CEP250: variants seen among roughly 807,000 people sequenced by gnomAD.
CEP250 encodes centrosome-associated protein CEP250.
A neutral mutation model predicts 315.7 loss-of-function variants in CEP250; 242 were observed. The observed-to-expected ratio is 0.77, with a 90% CI of 0.69 to 0.85. CEP250 has a LOEUF of 0.85. Ranked by LOEUF, CEP250 falls within the 40% of genes least tolerant of loss-of-function variation. The probability of loss-of-function intolerance (pLI) is 0.00; values close to 1 mark genes in which losing one functional copy is unlikely to be tolerated. For missense variants in CEP250, 2,515 were observed against 2,886.4 expected (o/e 0.87, Z 2.95); for synonymous variants, 1,088 against 1,175.0 (o/e 0.93, Z 1.51).
intron 25 of CEP250, among the ~76,000 whole-genome samples, chr20:35,497,518 G>A (rs2063872798): frequency 6.6e-6 from 1 of 151,896 alleles, no homozygotes; most frequent in South Asian, 2.1e-4. Context: ...GGGCCCATGT[G>A]TTCAGTAGTC....
chr20:35,509,034 C>T lies in CEP250; in HGVS notation c.6998C>T (p.Pro2333Leu), dbSNP rs758278372. 16 of 1,555,282 alleles carry T rather than the reference C, an allele frequency of 1.0e-5. No individual in the cohort carries two copies. In the Admixed American group the frequency reaches 2.9e-4, roughly 28 times the overall value. Residue 2333 changes from proline to leucine, a missense_variant, in exon 33 of 35, where the codon CCC (proline) becomes CTC (leucine). Pro to Leu is a moderately conservative substitution (Grantham distance 98). Transcript: ENST00000397527. ...ATCAGCAAGGCCACGGCTTCTTCAC[C>T]CACACAGCAGGTTTACTCATTTTCC... Reference protein sequence around the residue: ...LEISKATASSPTQQDGRGQKN... With the variant: ...LEISKATASSLTQQDGRGQKN...
intron 5 of CEP250, among the ~76,000 whole-genome samples, chr20:35,465,473 C>T (rs868397927): frequency 4.0e-5 from 6 of 150,576 alleles, no homozygotes; most frequent in Admixed American, 6.6e-5. Context: ...CAAGGTCAAA[C>T]CGTTAGTGTA....
chr20:35,497,909 T>C lies in CEP250; in HGVS notation c.3497T>C (p.Leu1166Pro), dbSNP rs1290733855. ...AGCACAGAGAGCCAGCTAGAAGCGCTGGCCGCAGAGCAGCAGCCCGGGAAC... is the reference window on the plus strand; with the variant it reads ...AGCACAGAGAGCCAGCTAGAAGCGCCGGCCGCAGAGCAGCAGCCCGGGAAC... The part of the protein sequence containing the change: ...LRSTESQLEA[L>P]AAEQQPGNQA... Residue 1166 changes from leucine (L) to proline (P), a missense_variant, in exon 26 of 35, where the codon CTG becomes CCG. Leu to Pro is a moderately conservative substitution (Grantham distance 98, BLOSUM62 -3). Coordinates refer to ENST00000397527, the MANE Select transcript of CEP250 (RefSeq NM_007186.6). 3 of 1,609,352 alleles carry C rather than the reference T, an allele frequency of 1.9e-6. No individual in the cohort carries two copies. Among genetic ancestry groups the C allele is most frequent in the African/African-American group, 1.3e-5 (1 of 75,000 alleles).
chr20:35,485,264 A>G (rs1324294048), intron 20 of CEP250, among the ~76,000 whole-genome samples: 4 of 151,744 alleles, frequency 2.6e-5, no homozygotes, highest in African/African-American at 7.3e-5. Flanking sequence ...AGTCCCAGCT[A>G]CTTGGGAGGC....
At chr20:35,477,765 T>C in intron 16 of CEP250, 106 bp from the exon 17 acceptor site, 1 of 891,908 alleles carries the variant, frequency 1.1e-6, no homozygotes, top group Non-Finnish European at 1.7e-6. Context: ...TTGTTCATCT[T>C]TGGAGAATAG....
chr20:35,497,602 A>C (rs2063876424), intron 25 of CEP250, 117 bp from the exon 26 acceptor site: 1 of 729,342 alleles, frequency 1.4e-6, no homozygotes, highest in African/African-American at 1.8e-5. Flanking sequence ...AGCTGAGCTG[A>C]AATCCTCCCA....
intron 4 of CEP250, 27 bp from the exon 5 acceptor site, chr20:35,463,548 G>A (rs762260926): frequency 1.3e-6 from 2 of 1,593,112 alleles, no homozygotes; most frequent in Non-Finnish European, 8.5e-7. Context: ...TGTGTTCATT[G>A]CCCAGGGCCT....
intron 10 of CEP250, 97 bp downstream of exon 10, chr20:35,470,083 A>G (rs781658201): frequency 2.0e-5 from 16 of 783,454 alleles, no homozygotes; most frequent in East Asian, 1.8e-4. Flanking sequence ...TACATATTCC[A>G]TGATGAAATC....
chr20:35,487,733 G>A (rs1228400354), intron 20 of CEP250, among the ~76,000 whole-genome samples: 3 of 151,694 alleles, frequency 2.0e-5, no homozygotes, highest in Non-Finnish European at 2.9e-5. Flanking sequence ...CCAGGAGTTC[G>A]AGACCAGCCT....
At chr20:35,506,772 T>A (rs1282644276) in intron 30 of CEP250, among the ~76,000 whole-genome samples, 1 of 152,174 alleles carries the variant, frequency 6.6e-6, no homozygotes, top group Non-Finnish European at 1.5e-5. Context: ...GATCTTCAAT[T>A]TCTCATCAGT....
At position 35,490,785 on chromosome 20, in the gene CEP250, CAG is replaced by C; in HGVS notation, c.2740_2741del (p.Ser914CysfsTer76). ...CAGAGGGAAGAAGAACGGACCCAGG[CAG>C]AGAGTGCCCTATGCCAGGTGGGAAG... is the stretch of plus-strand genomic sequence containing the variant. On this transcript the variant is annotated frameshift_variant, in exon 21 of 35. Coordinates refer to ENST00000397527, the MANE Select transcript of CEP250 (RefSeq NM_007186.6). LOFTEE classifies it high-confidence loss of function. 3 of 1,613,174 alleles carry C rather than the reference CAG, an allele frequency of 1.9e-6. No homozygotes were observed. Among genetic ancestry groups the C allele is most frequent in the Non-Finnish European group, 2.5e-6 (3 of 1,179,874 alleles).
intron 6 of CEP250, 71 bp downstream of exon 6, chr20:35,465,896 C>T: frequency 6.5e-7 from 1 of 1,528,914 alleles, no homozygotes; most frequent in Non-Finnish European, 8.9e-7. Flanking sequence ...GAAACTTCTG[C>T]CCTGAGGGCT....
At position 35,516,911 on chromosome 20, in the gene CEP250, G is replaced by C; in HGVS notation, c.*5285G>C. ...ATTCAGGTTAGACCTCTGAGCAGAC[G>C]GCAGAAACGTCAGCCACAGGTGAGC... On this transcript the variant is annotated 3_prime_UTR_variant, in exon 35 of 35. Coordinates refer to ENST00000397527, the MANE Select transcript of CEP250 (RefSeq NM_007186.6). 1.1e-6 allele frequency: 1 copy of C among 901,196 alleles called. No individual in the cohort carries two copies. The highest frequency in any genetic ancestry group is 1.3e-6 in the Non-Finnish European group (1 of 753,202). The allele number at this position is 901,196 out of a possible 1,614,324, so 55.8% of individuals were successfully genotyped here.
chr20:35,514,851 C>T lies in CEP250; in HGVS notation c.*3225C>T, dbSNP rs2064418430. ...GGTCTGGAGGCTTCGACACCCACAG[C>T]ATGTGGGTGTTCTCATGCAGGCCAT... is the stretch of plus-strand genomic sequence containing the variant. On this transcript the variant is annotated 3_prime_UTR_variant, in exon 35 of 35. Coordinates refer to ENST00000397527, the MANE Select transcript of CEP250 (RefSeq NM_007186.6). 1 of 152,198 alleles carries T rather than the reference C, an allele frequency of 6.6e-6. No individual in the cohort carries two copies. Among genetic ancestry groups the T allele is most frequent in the African/African-American group, 2.4e-5 (1 of 41,446 alleles). 9.4% of individuals were successfully genotyped at this position (152,198 alleles called of 1,614,324 possible).
Position 35,476,572 on chromosome 20 carries a change from G to A in CEP250, c.1840G>A (p.Gly614Arg). Reference protein sequence around the residue: ...LNEALALDKVGLNQQLLQLEE... With the variant: ...LNEALALDKVRLNQQLLQLEE... ...TGAGGCTTTGGCGTTAGATAAAGTTGGGCTGAACCAGCAGCTTCTCCAGGT... is the reference window on the plus strand; with the variant it reads ...TGAGGCTTTGGCGTTAGATAAAGTTAGGCTGAACCAGCAGCTTCTCCAGGT... Residue 614 changes from glycine (G) to arginine (R), a missense_variant, in exon 16 of 35, where the codon GGG becomes AGG. Coordinates refer to ENST00000397527, the MANE Select transcript of CEP250 (RefSeq NM_007186.6). 6.2e-7 allele frequency: 1 copy of A among 1,613,336 alleles called. No individual in the cohort carries two copies. The highest frequency in any genetic ancestry group is 8.5e-7 in the Non-Finnish European group (1 of 1,179,310).
intron 19 of CEP250, 26 bp from the exon 20 acceptor site, chr20:35,479,950 G>T: frequency 6.2e-7 from 1 of 1,611,526 alleles, no homozygotes; most frequent in Non-Finnish European, 8.5e-7. Flanking sequence ...GGGGGCGGAG[G>T]CCTGATCCTG....
At chr20:35,483,862 C>A (rs1473258435) in intron 20 of CEP250, among the ~76,000 whole-genome samples, 1 of 152,082 alleles carries the variant, frequency 6.6e-6, no homozygotes, top group Admixed American at 6.6e-5. Context: ...TGTGTCGAAT[C>A]TGATGTTTAT....
At chr20:35,474,127 CTG>C in intron 14 of CEP250, 75 bp downstream of exon 14, 1 of 1,252,744 alleles carries the variant, frequency 8.0e-7, no homozygotes. Context: ...CTACTCCCCT[CTG>C]TTACAAAGTA....
In CEP250 at chr20:35,473,361, T is replaced by C. The variant is rs763713634; in HGVS notation, c.1210-13T>C. 16 of 1,602,068 alleles carry C rather than the reference T, an allele frequency of 1.0e-5. No individual in the cohort carries two copies. Among genetic ancestry groups the C allele is most frequent in the South Asian group, 2.2e-5 (2 of 89,366 alleles). ...TTGTTCATCATCTGGTTTCTCTTGC[T>C]CTCTCTCCACAGGACCTAAGGCAGC... On this transcript the variant is annotated splice_polypyrimidine_tract_variant and intron_variant, in intron 12 of 34. Coordinates refer to ENST00000397527, the MANE Select transcript of CEP250 (RefSeq NM_007186.6).
Sources: gnomAD v4.1 joint callset for allele counts (sites outside exome capture counted in the v4.1 genomes callset) on GRCh38, gnomAD v4.1.1 for gene constraint, MANE v1.5 for transcripts, NCBI Gene and HGNC (gene_info 2026-07-23, HGNC 2026-07-21) for gene names.